TENM2: variants seen among roughly 807,000 people sequenced by gnomAD.
TENM2 encodes teneurin transmembrane protein 2, also known as teneurin-2.
TENM2 carries 52 observed loss-of-function variants against 245.2 expected under a neutral mutation model. The ratio of observed to expected loss-of-function variants is 0.21; its 90% CI spans 0.17 to 0.27. The LOEUF is 0.27. TENM2 is among the 10% of genes least tolerant of loss of function. TENM2 has a pLI of 1.00. For missense variants in TENM2, 3,046 were observed against 3,666.8 expected, an observed-to-expected ratio of 0.83 and a Z score of 4.37; for synonymous variants, 1,363 against 1,438.9, an observed-to-expected ratio of 0.95 and a Z score of 1.19.
the TENM2 span, among the ~76,000 whole-genome samples, chr5:167,244,594 C>T: frequency 6.6e-6 from 1 of 152,190 alleles, no homozygotes; most frequent in Admixed American, 6.5e-5. Flanking sequence ...GGCCAAGAGG[C>T]CAGGTGTTCT....
At chr5:167,423,777 C>T (rs1763649562) in intron 2 of TENM2, among the ~76,000 whole-genome samples, 1 of 152,146 alleles carries the variant, frequency 6.6e-6, no homozygotes, top group South Asian at 2.1e-4. Context: ...CATTTTCATT[C>T]ACCCTCGGCC....
intron 2 of TENM2, among the ~76,000 whole-genome samples, chr5:167,830,048 A>G (rs573752209): frequency 2.0e-5 from 3 of 152,364 alleles, no homozygotes; most frequent in Admixed American, 6.5e-5. Context: ...ATGCATTTCC[A>G]TGTGACTTCA....
intron 2 of TENM2, among the ~76,000 whole-genome samples, chr5:167,828,333 C>G (rs1038459912): frequency 6.6e-6 from 1 of 152,188 alleles, no homozygotes; most frequent in Non-Finnish European, 1.5e-5. Flanking sequence ...TCTAAACTCT[C>G]CTTTCCCCCA....
At chr5:168,063,729 C>G (rs189992162) in intron 7 of TENM2, among the ~76,000 whole-genome samples, 1 of 152,298 alleles carries the variant, frequency 6.6e-6, no homozygotes, top group Admixed American at 6.5e-5. Context: ...GCCCAGTGCA[C>G]ACATACCTCC....
chr5:167,054,950 T>C, the TENM2 span, among the ~76,000 whole-genome samples: 1 of 152,090 alleles, frequency 6.6e-6, no homozygotes, highest in East Asian at 1.9e-4. Flanking sequence ...ATCTGTCTTT[T>C]AACAATATTT....
chr5:167,017,979 C>T, the TENM2 span, among the ~76,000 whole-genome samples: 1 of 152,156 alleles, frequency 6.6e-6, no homozygotes, highest in South Asian at 2.1e-4. Flanking sequence ...AATTTGTCAA[C>T]ATATGATTAT....
chr5:167,140,099 A>G, the TENM2 span, among the ~76,000 whole-genome samples: 8 of 152,326 alleles, frequency 5.3e-5, no homozygotes, highest in South Asian at 2.1e-4. Context: ...TCTAATTCCA[A>G]TGCTGAGTTT....
At chr5:167,582,863 C>G (rs1218607513) in intron 2 of TENM2, among the ~76,000 whole-genome samples, 1 of 152,110 alleles carries the variant, frequency 6.6e-6, no homozygotes, top group Non-Finnish European at 1.5e-5. Flanking sequence ...ATTCAGTCCC[C>G]TTGACTCTTA....
chr5:167,689,820 G>A (rs1481762559), intron 2 of TENM2, among the ~76,000 whole-genome samples: 2 of 151,992 alleles, frequency 1.3e-5, no homozygotes, highest in African/African-American at 4.8e-5. Context: ...GGAGTGCAAT[G>A]GAGCAATTTT....
intron 2 of TENM2, among the ~76,000 whole-genome samples, chr5:167,521,367 A>C (rs904572116): frequency 6.6e-6 from 1 of 152,170 alleles, no homozygotes; most frequent in African/African-American, 2.4e-5. Flanking sequence ...AGAGAAAGAT[A>C]TAAAATGAGA....
chr5:166,984,270 C>T, the TENM2 span, among the ~76,000 whole-genome samples: 1 of 151,984 alleles, frequency 6.6e-6, no homozygotes. Context: ...GAGACAAGGA[C>T]TAAAGCGGGA....
chr5:167,849,135 C>G lies in TENM2; in HGVS notation c.503-26851C>G, dbSNP rs373836961. Among the ~76,000 whole-genome samples the G allele has an allele frequency of 9.9e-5, 15 of 152,226 alleles. No homozygotes were observed. The East Asian group carries it at 1.9e-3, about 20-fold the overall frequency. On this transcript the variant is annotated intron_variant, in intron 2 of 28. Coordinates refer to ENST00000518659, the Ensembl canonical transcript of TENM2. The stretch of plus-strand genomic sequence containing the variant: ...CACCATGGGAGAATCTACTTCCTTG[C>G]CTTTTCCAGCTTTTATAAGCTGCCT...
intron 13 of TENM2, among the ~76,000 whole-genome samples, chr5:168,174,014 G>A (rs937770744): frequency 2.0e-5 from 3 of 152,206 alleles, no homozygotes; most frequent in Admixed American, 1.3e-4. Flanking sequence ...AATGGAGGAG[G>A]ATGAGGCTAG....
At chr5:167,165,860 G>C in the TENM2 span, among the ~76,000 whole-genome samples, 1 of 152,154 alleles carries the variant, frequency 6.6e-6, no homozygotes, top group African/African-American at 2.4e-5. Context: ...GAGGAATAAA[G>C]TCTACCAATT....
the TENM2 span, among the ~76,000 whole-genome samples, chr5:167,082,750 A>G: frequency 6.6e-6 from 1 of 152,168 alleles, no homozygotes; most frequent in Non-Finnish European, 1.5e-5. Flanking sequence ...ATTAGCCAAT[A>G]GTTTCTAGTT....
intron 1 of TENM2, among the ~76,000 whole-genome samples, chr5:167,359,692 T>C (rs1464861053): frequency 6.6e-6 from 1 of 152,212 alleles, no homozygotes; most frequent in African/African-American, 2.4e-5. Context: ...AGGGATTTTA[T>C]AGTTTTGGGT....
chr5:167,493,245 T>G (rs1022901623), intron 2 of TENM2, among the ~76,000 whole-genome samples: 1 of 151,798 alleles, frequency 6.6e-6, no homozygotes, highest in African/African-American at 2.4e-5. Flanking sequence ...GCCACTGTAC[T>G]CCAGCCTGGG....
chr5:167,567,467 A>G (rs1385806705), intron 2 of TENM2, among the ~76,000 whole-genome samples: 1 of 152,142 alleles, frequency 6.6e-6, no homozygotes, highest in Non-Finnish European at 1.5e-5. Context: ...TTGGGCCTGA[A>G]ATGACCTCCT....
chr5:167,205,215 T>C, the TENM2 span, among the ~76,000 whole-genome samples: 1 of 152,068 alleles, frequency 6.6e-6, no homozygotes, highest in African/African-American at 2.4e-5. Context: ...ACTCCATCTC[T>C]AATAAAAATA....
Sources: allele counts gnomAD v4.1 joint callset (sites outside exome capture counted in the v4.1 genomes callset), GRCh38; gene constraint gnomAD v4.1.1; transcripts MANE v1.5; gene names NCBI Gene and HGNC (gene_info 2026-07-23, HGNC 2026-07-21).